GLIS1: variants seen among roughly 807,000 people sequenced by gnomAD.
GLIS1 encodes zinc finger protein GLIS1.
GLIS1 carries 24 observed loss-of-function variants against 63.8 expected under a neutral mutation model. The observed-to-expected ratio is 0.38, with a 90% confidence interval of 0.27 to 0.53. GLIS1 has a LOEUF of 0.53. GLIS1 is among the 20% of genes least tolerant of loss of function. The pLI, the probability that GLIS1 is intolerant of heterozygous loss-of-function variation, is 0.85. For synonymous variants in GLIS1, 450 were observed against 482.5 expected, an observed-to-expected ratio of 0.93 and a Z score of 0.88; for missense variants, 1,036 against 1,074.1, an observed-to-expected ratio of 0.96 and a Z score of 0.50.
chr1:53,553,759 T>C (rs889667911), intron 4 of GLIS1, among the ~76,000 whole-genome samples: 2 of 129,476 alleles, frequency 1.5e-5, no homozygotes, highest in African/African-American at 2.8e-5. Context: ...CCCTAAGCTT[T>C]AGGGACGGAG....
intron 2 of GLIS1, among the ~76,000 whole-genome samples, chr1:53,631,381 A>C (rs1645650339): frequency 6.6e-6 from 1 of 152,224 alleles, no homozygotes; most frequent in Non-Finnish European, 1.5e-5. Flanking sequence ...TGTTATTTTA[A>C]GATCCCTATG....
At chr1:53,673,553 T>A (rs976328112) in intron 2 of GLIS1, among the ~76,000 whole-genome samples, 6 of 152,196 alleles carry the variant, frequency 3.9e-5, no homozygotes, top group Admixed American at 3.9e-4. Context: ...CACCTACTAC[T>A]CCCCGAGCTT....
intron 4 of GLIS1, among the ~76,000 whole-genome samples, chr1:53,586,907 G>T (rs1291183820): frequency 6.6e-6 from 1 of 152,186 alleles, no homozygotes; most frequent in Non-Finnish European, 1.5e-5. Context: ...CACAATGAAG[G>T]CCAGGCCAGG....
At chr1:53,524,723 G>A (rs1644446798) in intron 6 of GLIS1, 54 bp downstream of exon 6, 1 of 1,288,380 alleles carries the variant, frequency 7.8e-7, no homozygotes, top group Non-Finnish European at 1.1e-6. Context: ...CTGGCCTGAT[G>A]CGGTGCAGGC....
intron 3 of GLIS1, among the ~76,000 whole-genome samples, chr1:53,596,697 C>T (rs889727642): frequency 6.6e-6 from 1 of 152,106 alleles, no homozygotes; most frequent in Non-Finnish European, 1.5e-5. Context: ...CCAGCCCCTC[C>T]ATCTCTGGCT....
rs1244394462 is a variant in GLIS1, at chr1:53,594,661, C to T, written c.767G>A (p.Cys256Tyr). ...PPTSPASSSP[C>Y]ASSDVTSIIR... is the part of the protein sequence containing the mutation. ...GATGGAGGTGACGTCGGAGGAGGCA[C>T]AGGGTGAGGAGGAGGCTGGGGAGGT... Residue 256 changes from cysteine to tyrosine, a missense_variant, in exon 4 of 11, where the codon TGT becomes TAT. Coordinates refer to ENST00000628545, the MANE Select transcript of GLIS1 (RefSeq NM_001367484.1). 2.6e-6 allele frequency: 4 copies of T among 1,555,908 alleles called. No homozygotes were observed. The highest frequency in any genetic ancestry group is 2.7e-5 in the African/African-American group (2 of 73,506).
intron 2 of GLIS1, among the ~76,000 whole-genome samples, chr1:53,685,096 T>C (rs1035295288): frequency 6.6e-6 from 1 of 151,806 alleles, no homozygotes; most frequent in Admixed American, 6.6e-5. Flanking sequence ...AAGAAGAGGG[T>C]GGGGAGGCAT....
intron 4 of GLIS1, among the ~76,000 whole-genome samples, chr1:53,582,265 G>T (rs1645092605): frequency 6.6e-6 from 1 of 152,192 alleles, no homozygotes; most frequent in Admixed American, 6.5e-5. Flanking sequence ...GCCTGTGTGG[G>T]TCTTTGCACA....
chr1:53,627,103 T>C (rs1645602782), intron 2 of GLIS1, among the ~76,000 whole-genome samples: 1 of 152,144 alleles, frequency 6.6e-6, no homozygotes, highest in Non-Finnish European at 1.5e-5. Context: ...CACTGAGAAC[T>C]ATACAGCCCC....
intron 2 of GLIS1, among the ~76,000 whole-genome samples, chr1:53,712,028 C>A (rs182932367): frequency 1.3e-5 from 2 of 152,330 alleles, no homozygotes; most frequent in East Asian, 1.9e-4. Flanking sequence ...TCATTCAAGG[C>A]CCAGCACAAT....
Position 53,587,111 on chromosome 1 carries a change from A to G in GLIS1, c.1320+6997T>C, listed in dbSNP as rs531466673. ...CATTCTAGACAAAGGAATCAGCAAA[A>G]GCCAAGACCCAAAGGATTTAAAGGA... On this transcript the variant is annotated intron_variant, in intron 4 of 10. Transcript: ENST00000628545. 6.6e-5 allele frequency among the ~76,000 whole-genome samples: 10 copies of G among 152,320 alleles called. No homozygotes were observed. The South Asian group carries it at 2.1e-3, about 32-fold the overall frequency.
At chr1:53,633,232 GAGGGGCGTGTGA>G (rs576288471) in intron 2 of GLIS1, among the ~76,000 whole-genome samples, 407 of 146,484 alleles carry the variant, frequency 2.8e-3, no homozygotes, top group Non-Finnish European at 4.0e-3. Context: ...AGTGTGACTG[GAGGGGCGTGTGA>G]AGGGGCGTGT....
intron 2 of GLIS1, among the ~76,000 whole-genome samples, chr1:53,603,333 T>C (rs1200513798): frequency 2.0e-5 from 3 of 152,180 alleles, no homozygotes; most frequent in Non-Finnish European, 4.4e-5. Context: ...CAGCAAGTGG[T>C]CACCCAAGGT....
chr1:53,667,594 TCTCACAGTTCATTTGTACTG>T (rs149086204), intron 2 of GLIS1, among the ~76,000 whole-genome samples: 8,011 of 152,164 alleles, frequency 0.053, 499 homozygotes, highest in East Asian at 0.33. Flanking sequence ...ACTCACAGGC[TCTCACAGTTCATTTGTACTG>T]CTACAATAAA....
At position 53,506,505 on chromosome 1, in the gene GLIS1, G is replaced by A. The variant is rs1644232903; in HGVS notation, c.*114C>T. Reference sequence around the variant, plus strand: ...GCTGGCTCCCCTGGGTCATGGCCTGGCTGTTCCGGCTGTGGCCTGGCACTC... The same window carrying A: ...GCTGGCTCCCCTGGGTCATGGCCTGACTGTTCCGGCTGTGGCCTGGCACTC... On this transcript the variant is annotated 3_prime_UTR_variant, in exon 11 of 11. Transcript: ENST00000628545. 2 of 1,146,838 alleles carry A rather than the reference G, an allele frequency of 1.7e-6. No individual in the cohort carries two copies. Among genetic ancestry groups the A allele is most frequent in the African/African-American group, 3.1e-5 (2 of 65,494 alleles). 71.0% of individuals were successfully genotyped at this position (1,146,838 alleles called of 1,614,324 possible). A position where few individuals can be genotyped will look rare whatever the true frequency, so the allele number is the denominator to read the frequency against.
chr1:53,732,830 T>C (rs1403457387), intron 2 of GLIS1, among the ~76,000 whole-genome samples: 1 of 152,004 alleles, frequency 6.6e-6, no homozygotes, highest in Non-Finnish European at 1.5e-5. Flanking sequence ...AAACCACACA[T>C]TATAATTTAA....
chr1:53,679,300 A>ACT (rs1391138857), intron 2 of GLIS1, among the ~76,000 whole-genome samples: 1 of 152,172 alleles, frequency 6.6e-6, no homozygotes, highest in Non-Finnish European at 1.5e-5. Context: ...ATAAACCCCA[A>ACT]AACAGCCTTA....
chr1:53,709,641 T>C (rs1457303186), intron 2 of GLIS1, among the ~76,000 whole-genome samples: 3 of 152,108 alleles, frequency 2.0e-5, no homozygotes, highest in Admixed American at 6.6e-5. Flanking sequence ...ATCTGATTCA[T>C]TTTTAAAGGA....
chr1:53,556,540 TGTGTGTGTGTGCAGGTGTACTGCAGGG>T (rs1644830748), intron 4 of GLIS1, among the ~76,000 whole-genome samples: 1 of 117,272 alleles, frequency 8.5e-6, no homozygotes. Context: ...GTACTGCAGG[TGTGTGTGTGTGCAGGTGTACTGCAGGG>T]GTGTGTGTAT....
Sources: gnomAD v4.1 joint callset for allele counts (sites outside exome capture counted in the v4.1 genomes callset) on GRCh38, gnomAD v4.1.1 for gene constraint, MANE v1.5 for transcripts, NCBI Gene and HGNC (gene_info 2026-07-23, HGNC 2026-07-21) for gene names.